The following EYS variants were observed in gnomAD, a reference collection of about 807,000 sequenced individuals.
EYS encodes the protein protein eyes shut homolog.
Under a neutral mutation model 282.1 loss-of-function variants are expected in EYS, and 250 were observed. That is an observed-to-expected ratio of 0.89 (90% confidence interval 0.80 to 0.98). EYS has a LOEUF of 0.98. EYS is among the 50% of genes least tolerant of loss of function. The pLI is 0.00. For missense variants in EYS, 4,016 were observed against 3,709.0 expected, an observed-to-expected ratio of 1.08 and a Z score of -2.15; for synonymous variants, 1,355 against 1,282.9, an observed-to-expected ratio of 1.06 and a Z score of -1.20.
At chr6:63,973,265 G>A (rs992632186) in intron 35 of EYS, among the ~76,000 whole-genome samples, 1 of 152,016 alleles carries the variant, frequency 6.6e-6, no homozygotes, top group African/African-American at 2.4e-5. Flanking sequence ...GCATGAGATG[G>A]TATCTCATTG....
At chr6:64,090,793 T>G (rs1227193381) in intron 31 of EYS, among the ~76,000 whole-genome samples, 1 of 152,204 alleles carries the variant, frequency 6.6e-6, no homozygotes, top group Admixed American at 6.6e-5. Flanking sequence ...CACATCATTC[T>G]ATATTTGGTT....
intron 13 of EYS, among the ~76,000 whole-genome samples, chr6:65,011,034 G>C (rs2150133195): frequency 6.6e-6 from 1 of 152,272 alleles, no homozygotes; most frequent in East Asian, 1.9e-4. Flanking sequence ...TCCCTAGTAT[G>C]GGGTAATCCC....
intron 2 of EYS, among the ~76,000 whole-genome samples, chr6:65,558,972 T>C (rs1279300885): frequency 6.6e-6 from 1 of 152,170 alleles, no homozygotes; most frequent in Non-Finnish European, 1.5e-5. Flanking sequence ...CACAGTCCTT[T>C]AAAATCTGTT....
intron 10 of EYS, 138 bp downstream of exon 10, chr6:65,343,900 G>T: frequency 1.4e-6 from 1 of 718,558 alleles, no homozygotes; most frequent in Non-Finnish European, 2.4e-6. Context: ...ATTTGTTTAC[G>T]AAGTTATATT....
chr6:64,019,718 C>G (rs1314753836), intron 33 of EYS, among the ~76,000 whole-genome samples: 1 of 151,652 alleles, frequency 6.6e-6, no homozygotes, highest in Admixed American at 6.6e-5. Flanking sequence ...CTCGTTCTTT[C>G]TTTTTTAAAT....
intron 29 of EYS, among the ~76,000 whole-genome samples, chr6:64,347,512 T>C (rs1771454096): frequency 6.6e-6 from 1 of 151,386 alleles, no homozygotes; most frequent in Non-Finnish European, 1.5e-5. Context: ...TGCATTTTTA[T>C]ATTTGTTGAA....
chr6:65,261,733 G>A (rs1358715289), intron 12 of EYS, among the ~76,000 whole-genome samples: 1 of 151,986 alleles, frequency 6.6e-6, no homozygotes, highest in Non-Finnish European at 1.5e-5. Context: ...TAAGTGGTAT[G>A]TCAAAATTTT....
chr6:65,073,741 T>C (rs1773967321), intron 12 of EYS, among the ~76,000 whole-genome samples: 2 of 151,914 alleles, frequency 1.3e-5, no homozygotes, highest in African/African-American at 2.4e-5. Flanking sequence ...AGAAAGGATA[T>C]ACAAATATTA....
chr6:64,641,668 C>G (rs771151100), intron 22 of EYS, among the ~76,000 whole-genome samples: 14 of 152,100 alleles, frequency 9.2e-5, no homozygotes, highest in Non-Finnish European at 1.8e-4. Context: ...CAGAGGTCTC[C>G]AACACCCAGG....
chr6:65,571,541 A>G (rs957709166), intron 2 of EYS, among the ~76,000 whole-genome samples: 1 of 151,622 alleles, frequency 6.6e-6, no homozygotes, highest in Admixed American at 6.6e-5. Context: ...GTTTCTCAAA[A>G]TAATCTTCTA....
intron 2 of EYS, among the ~76,000 whole-genome samples, chr6:65,535,163 C>G (rs1767917377): frequency 6.6e-6 from 1 of 152,114 alleles, no homozygotes; most frequent in African/African-American, 2.4e-5. Flanking sequence ...GTTTTAATCT[C>G]AGTCTGAGTC....
chr6:63,996,588 C>T (rs1767848900), intron 34 of EYS, among the ~76,000 whole-genome samples: 1 of 151,900 alleles, frequency 6.6e-6, no homozygotes, highest in Non-Finnish European at 1.5e-5. Flanking sequence ...AAGAAAACAT[C>T]ATATAAAATG....
intron 2 of EYS, among the ~76,000 whole-genome samples, chr6:65,499,087 ATG>A (rs1196473199): frequency 6.6e-6 from 1 of 152,056 alleles, no homozygotes; most frequent in East Asian, 1.9e-4. Context: ...ACAGGAAAAT[ATG>A]TGTAATTTCA....
intron 12 of EYS, among the ~76,000 whole-genome samples, chr6:65,241,812 T>C (rs1382445531): frequency 6.6e-6 from 1 of 152,128 alleles, no homozygotes; most frequent in Non-Finnish European, 1.5e-5. Flanking sequence ...TGTTAGCTTG[T>C]ACTTTAGGGA....
chr6:64,420,590 G>A (rs1482427290), intron 28 of EYS, among the ~76,000 whole-genome samples: 1 of 152,166 alleles, frequency 6.6e-6, no homozygotes, highest in Non-Finnish European at 1.5e-5. Flanking sequence ...TGTATTTTGT[G>A]ACTTTGGGCA....
chr6:63,987,472 C>T (rs1457028617), intron 34 of EYS, among the ~76,000 whole-genome samples: 1 of 151,714 alleles, frequency 6.6e-6, no homozygotes, highest in East Asian at 1.9e-4. Context: ...TTCCCACCCT[C>T]AGCAACATAT....
intron 12 of EYS, among the ~76,000 whole-genome samples, chr6:65,074,420 C>T (rs756520727): frequency 6.6e-6 from 1 of 151,958 alleles, no homozygotes; most frequent in Non-Finnish European, 1.5e-5. Context: ...CTCAAGGTCT[C>T]GGTGAGACCT....
chr6:65,352,764 C>T (rs993347384), intron 9 of EYS, among the ~76,000 whole-genome samples: 1 of 151,842 alleles, frequency 6.6e-6, no homozygotes, highest in African/African-American at 2.4e-5. Flanking sequence ...GTGTCAAAAC[C>T]TATAGTAATT....
intron 35 of EYS, among the ~76,000 whole-genome samples, chr6:63,915,150 C>T (rs563780849): frequency 2.6e-5 from 4 of 152,316 alleles, no homozygotes; most frequent in African/African-American, 9.6e-5. Context: ...TTCAAAACTT[C>T]AAAGGACAAG....
Sources: allele counts gnomAD v4.1 joint callset (sites outside exome capture counted in the v4.1 genomes callset), GRCh38; gene constraint gnomAD v4.1.1; transcripts MANE v1.5; gene names NCBI Gene and HGNC (gene_info 2026-07-23, HGNC 2026-07-21).